ATP4B: variants seen among roughly 807,000 people sequenced by gnomAD.
The protein encoded by ATP4B is ATPase H+/K+ transporting subunit beta, also known as potassium-transporting ATPase subunit beta.
A neutral mutation model predicts 35.3 loss-of-function variants in ATP4B; 27 were observed. The observed-to-expected ratio is 0.76, with a 90% CI of 0.56 to 1.05. The LOEUF is 1.05. ATP4B is among the 50% of genes least tolerant of loss of function. ATP4B has a pLI of 0.00. For missense variants in ATP4B, 375 were observed against 384.8 expected (o/e 0.97, Z 0.21); for synonymous variants, 162 against 156.0 (o/e 1.04, Z -0.29).
chr13:113,655,606 C>G (rs1346111708), intron 1 of ATP4B, among the ~76,000 whole-genome samples: 3 of 152,250 alleles, frequency 2.0e-5, no homozygotes, highest in Non-Finnish European at 4.4e-5. Context: ...CTCCTGGACA[C>G]AGGCGACTGC....
chr13:113,650,589 GCA>G lies in ATP4B; in HGVS notation c.613-84_613-83del, dbSNP rs145952325. On this transcript the variant is annotated intron_variant, in intron 5 of 6. Transcript: ENST00000335288. The surrounding 1 kb of genome is among the most constrained non-coding windows in gnomAD (Gnocchi z 5.0). ...GTGTGTTGCGTTTGTGTGCGTGTGT[GCA>G]CACACGCGCTGTGTAGGTGCTTGCA... The G allele has an allele frequency of 1.2e-3, 1,278 of 1,044,516 alleles. 10 individuals are homozygous for G. The East Asian group carries it at 0.023, about 19-fold the overall frequency. 64.7% of individuals were successfully genotyped at this position (1,044,516 alleles called of 1,614,324 possible).
Position 113,649,188 on chromosome 13 carries a change from A to T in ATP4B, c.*186T>A, listed in dbSNP as rs1415008217. The T allele has an allele frequency of 2.0e-5, 11 of 554,110 alleles. No homozygotes were observed. Among genetic ancestry groups the T allele is most frequent in the South Asian group, 5.3e-5 (2 of 37,600 alleles). The allele number at this position is 554,110 out of a possible 1,614,324, so 34.3% of individuals were successfully genotyped here. A position where few individuals can be genotyped will look rare whatever the true frequency, so the allele number is the denominator to read the frequency against. On this transcript the variant is annotated 3_prime_UTR_variant, in exon 7 of 7. Transcript: ENST00000335288. The surrounding 1 kb of genome is among the most constrained non-coding windows in gnomAD (Gnocchi z 4.7). ...AAACTGTAAGAATTCAACAAGGAAG[A>T]ACTGATACTCGCGAGCAGGTCCTTC...
In ATP4B at chr13:113,650,288, C is replaced by A; in HGVS notation, c.714+118G>T. On this transcript the variant is annotated intron_variant, in intron 6 of 6. Coordinates refer to ENST00000335288, the MANE Select transcript of ATP4B (RefSeq NM_000705.4). This position sits in a 1 kb window ranked among gnomAD's most constrained non-coding sequence, Gnocchi z 5.0. ...ACACGCAGAACGTTCCAGTCAGGAC[C>A]GGCTAAGTCACACCTTTGTTTCATT... is the stretch of plus-strand genomic sequence containing the variant. The A allele has an allele frequency of 1.0e-6, 1 of 956,620 alleles. No homozygotes were observed. 59.3% of individuals were successfully genotyped at this position (956,620 alleles called of 1,614,324 possible).
rs771411530 is a variant in ATP4B at position 113,658,096 on chromosome 13, A to T, written c.49T>A (p.Phe17Ile). Residue 17 changes from phenylalanine (F) to isoleucine (I), a missense_variant, in exon 1 of 7, where the codon TTC becomes ATC. Coordinates refer to ENST00000335288, the MANE Select transcript of ATP4B (RefSeq NM_000705.4). ...TCCGGGTTCCAGCAGTAACGCTGGA[A>T]CTCCTCCATGCGCTGGCCACACGTC... is the stretch of plus-strand genomic sequence containing the variant. Reference protein sequence around the residue: ...KKTCGQRMEEFQRYCWNPDTG... With the variant: ...KKTCGQRMEEIQRYCWNPDTG... 4 of 1,611,674 alleles carry T rather than the reference A, an allele frequency of 2.5e-6. No homozygotes were observed. The highest frequency in any genetic ancestry group is 2.2e-5 in the East Asian group (1 of 44,794).
intron 4 of ATP4B, 65 bp from the exon 5 acceptor site, chr13:113,651,792 C>A: frequency 1.3e-6 from 2 of 1,572,134 alleles, no homozygotes; most frequent in Non-Finnish European, 1.7e-6. Flanking sequence ...TGCACGGCAC[C>A]CACCCATGGA....
intron 1 of ATP4B, 126 bp from the exon 2 acceptor site, chr13:113,655,068 C>G: frequency 7.6e-7 from 1 of 1,314,050 alleles, no homozygotes; most frequent in Non-Finnish European, 1.0e-6. Context: ...ACATTCTCCT[C>G]CCCCAAAACA....
intron 1 of ATP4B, 47 bp from the exon 2 acceptor site, chr13:113,654,989 C>T (rs770757001): frequency 1.6e-5 from 26 of 1,610,026 alleles, no homozygotes; most frequent in Admixed American, 3.3e-5. Context: ...GCCATTTTAA[C>T]GCACACAATT....
rs773371291 is a variant in ATP4B, at chr13:113,653,437, GGA to G, written c.242-5_242-4del. The G allele has an allele frequency of 1.1e-5, 18 of 1,611,882 alleles. No individual in the cohort carries two copies. Among genetic ancestry groups the G allele is most frequent in the Non-Finnish European group, 1.4e-5 (16 of 1,178,008 alleles). On this transcript the variant is annotated splice_region_variant and splice_polypyrimidine_tract_variant and intron_variant, in intron 2 of 6. Coordinates refer to ENST00000335288, the MANE Select transcript of ATP4B (RefSeq NM_000705.4). ...AACATCCGGCCTTAAGGTTACCCCTGGAGAGAGAGACCTTTGTGCTTAGCGTC... is the reference window on the plus strand; with the variant it reads ...AACATCCGGCCTTAAGGTTACCCCTGGAGAGAGACCTTTGTGCTTAGCGTC...
chr13:113,657,226 G>C (rs1263294955), intron 1 of ATP4B, among the ~76,000 whole-genome samples: 1 of 152,144 alleles, frequency 6.6e-6, no homozygotes, highest in Non-Finnish European at 1.5e-5. Context: ...GCCGGGCACC[G>C]TGGGAATTGA....
Position 113,652,960 on chromosome 13 carries a change from T to C in ATP4B, c.468A>G (p.Ala156=). 1.9e-6 allele frequency: 3 copies of C among 1,614,230 alleles called. No homozygotes were observed. The highest frequency in any genetic ancestry group is 2.5e-6 in the Non-Finnish European group (3 of 1,180,044). ...GGCCTGAGCAGTTCTGCAGCATATC[T>C]GCCGTGAACTTGCAGGAGAACTTGG... The part of the protein sequence containing the change: ...NHTKFSCKFT[A]DMLQNCSGLA... Residue 156 remains alanine (A), a synonymous_variant, in exon 4 of 7, where the codon GCA becomes GCG. Transcript: ENST00000335288.
intron 4 of ATP4B, 104 bp downstream of exon 4, chr13:113,652,768 TG>T: frequency 1.5e-6 from 2 of 1,364,556 alleles, no homozygotes; most frequent in South Asian, 1.2e-5. Context: ...CTGTCCCGCT[TG>T]GGCAAGCCCC....
chr13:113,654,843 G>C lies in ATP4B; in HGVS notation c.212C>G (p.Pro71Arg). 6.2e-7 allele frequency: 1 copy of C among 1,614,038 alleles called. No individual in the cohort carries two copies. Among genetic ancestry groups the C allele is most frequent in the Non-Finnish European group, 8.5e-7 (1 of 1,180,004 alleles). ...TGACCGTAGCTGGTCTTGGTAGTCC[G>C]GTGTGTACGGGTCCACTGTCTGCAT... ...VLMQTVDPYTPDYQDQLRSPG... is the reference protein window; with the variant it reads ...VLMQTVDPYTRDYQDQLRSPG... Residue 71 changes from proline to arginine, a missense_variant, in exon 2 of 7, where the codon CCG becomes CGG. Transcript: ENST00000335288.
chr13:113,653,170 T>A, intron 3 of ATP4B, 98 bp from the exon 4 acceptor site: 1 of 1,466,196 alleles, frequency 6.8e-7, no homozygotes, highest in Non-Finnish European at 9.3e-7. Context: ...GAGTTTCTCA[T>A]GAAATAGAAA....
chr13:113,653,525 G>A (rs370965119), intron 2 of ATP4B, 91 bp from the exon 3 acceptor site: 40 of 1,177,372 alleles, frequency 3.4e-5, no homozygotes, highest in East Asian at 2.4e-4. Flanking sequence ...CGCCAGAGGC[G>A]GTGGCCCAAC....
In ATP4B at chr13:113,649,002, TG is replaced by T. The variant is rs113895052; in HGVS notation, c.*371del. 0.032 allele frequency: 5,236 copies of T among 161,792 alleles called. 161 individuals are homozygous for T. Among genetic ancestry groups the T allele is most frequent in the South Asian group, 0.12 (758 of 6,424 alleles). The allele number at this position is 161,792 out of a possible 1,614,324, so 10.0% of individuals were successfully genotyped here. On this transcript the variant is annotated 3_prime_UTR_variant, in exon 7 of 7. Transcript: ENST00000335288. The surrounding 1 kb of genome is among the most constrained non-coding windows in gnomAD (Gnocchi z 4.7). The stretch of plus-strand genomic sequence containing the variant: ...TGCATTAGTAGTTTTTATATTAATG[TG>T]GGGGGGGCAGTTCATATTGAAGTGT...
In ATP4B at chr13:113,650,435, A is replaced by G; in HGVS notation, c.685T>C (p.Tyr229His). The G allele has an allele frequency of 6.2e-7, 1 of 1,614,048 alleles. No individual in the cohort carries two copies. Among genetic ancestry groups the G allele is most frequent in the Non-Finnish European group, 8.5e-7 (1 of 1,179,932 alleles). The part of the protein sequence containing the change: ...YPPNGTFSLH[Y>H]FPYYGKKAQP... Reference sequence around the variant, plus strand: ...GCTTTCTTCCCGTAATAAGGGAAGTAGTGCAGACTGAAGGTGCCGTTGGGA... The same window carrying G: ...GCTTTCTTCCCGTAATAAGGGAAGTGGTGCAGACTGAAGGTGCCGTTGGGA... The change falls in exon 6 of 7, where the codon TAC (tyrosine) becomes CAC (histidine). Residue 229 changes from tyrosine (Y) to histidine (H), a missense_variant. Physicochemically the swap from Tyr to His is moderately conservative, Grantham distance 83. Transcript: ENST00000335288. The surrounding 1 kb of genome is among the most constrained non-coding windows in gnomAD (Gnocchi z 5.0).
Position 113,650,297 on chromosome 13 carries a change from C to T in ATP4B, c.714+109G>A. 9.2e-7 allele frequency: 1 copy of T among 1,086,264 alleles called. No individual in the cohort carries two copies. The highest frequency in any genetic ancestry group is 1.4e-6 in the Non-Finnish European group (1 of 722,842). 67.3% of individuals were successfully genotyped at this position (1,086,264 alleles called of 1,614,324 possible). The stretch of plus-strand genomic sequence containing the variant: ...ACGTTCCAGTCAGGACCGGCTAAGT[C>T]ACACCTTTGTTTCATTTTTCTACAT... On this transcript the variant is annotated intron_variant, in intron 6 of 6. Transcript: ENST00000335288. This position sits in a 1 kb window ranked among gnomAD's most constrained non-coding sequence, Gnocchi z 5.0.
Position 113,653,083 on chromosome 13 carries a change from A to G in ATP4B, c.356-11T>C, listed in dbSNP as rs766259053. On this transcript the variant is annotated splice_polypyrimidine_tract_variant and intron_variant, in intron 3 of 6. Transcript: ENST00000335288. ...CTGCTGGAGAGTAGCCTGCAGACGGACGCACCTGCCAGCCCTGTCCTGCCC... is the reference window on the plus strand; with the variant it reads ...CTGCTGGAGAGTAGCCTGCAGACGGGCGCACCTGCCAGCCCTGTCCTGCCC... 1 of 1,603,250 alleles carries G rather than the reference A, an allele frequency of 6.2e-7. No homozygotes were observed.
Position 113,650,436 on chromosome 13 carries a change from G to A in ATP4B, c.684C>T (p.His228=), listed in dbSNP as rs375313517. ...YYPPNGTFSL[H]YFPYYGKKAQ... is the part of the protein sequence containing the mutation. ...CTTTCTTCCCGTAATAAGGGAAGTA[G>A]TGCAGACTGAAGGTGCCGTTGGGAG... The change falls in exon 6 of 7, where the codon CAC becomes CAT. Residue 228 remains histidine, a synonymous_variant. Transcript: ENST00000335288. The surrounding 1 kb of genome is among the most constrained non-coding windows in gnomAD (Gnocchi z 5.0). 1.1e-4 allele frequency: 185 copies of A among 1,613,990 alleles called. No individual in the cohort carries two copies. Among genetic ancestry groups the A allele is most frequent in the Non-Finnish European group, 1.4e-4 (168 of 1,179,978 alleles).
Sources: allele counts gnomAD v4.1 joint callset (sites outside exome capture counted in the v4.1 genomes callset), GRCh38; gene constraint gnomAD v4.1.1; non-coding constraint Gnocchi (gnomAD v3.1); transcripts MANE v1.5; gene names NCBI Gene and HGNC (gene_info 2026-07-23, HGNC 2026-07-21).